GALNT7: variants seen among roughly 807,000 people sequenced by gnomAD.
GALNT7 encodes polypeptide N-acetylgalactosaminyltransferase 7.
A neutral mutation model predicts 82.1 loss-of-function variants in GALNT7; 60 were observed. The ratio of observed to expected loss-of-function variants is 0.73; its 90% CI spans 0.59 to 0.91. The LOEUF (loss-of-function observed/expected upper bound fraction) is 0.91, where lower values mean the gene tolerates loss of function less well. GALNT7 is among the 40% of genes least tolerant of loss of function. The pLI, the probability that GALNT7 is intolerant of heterozygous loss-of-function variation, is 0.00. For missense variants in GALNT7, 660 were observed against 804.2 expected (o/e 0.82, Z 2.17); for synonymous variants, 243 against 275.1 (o/e 0.88, Z 1.15).
At chr4:173,176,014 A>G (rs1421475799) in intron 1 of GALNT7, among the ~76,000 whole-genome samples, 1 of 152,138 alleles carries the variant, frequency 6.6e-6, no homozygotes, top group Non-Finnish European at 1.5e-5. Flanking sequence ...CGGAGGTTGC[A>G]GTAAGTGGAG....
chr4:173,296,075 T>C (rs1736707646), intron 5 of GALNT7, among the ~76,000 whole-genome samples: 1 of 152,162 alleles, frequency 6.6e-6, no homozygotes, highest in Non-Finnish European at 1.5e-5. Context: ...TCAAGAATCA[T>C]TTTGTGGTTG....
At chr4:173,191,417 G>A (rs1306148878) in intron 1 of GALNT7, among the ~76,000 whole-genome samples, 1 of 152,178 alleles carries the variant, frequency 6.6e-6, no homozygotes, top group East Asian at 1.9e-4. Context: ...AGTGTCCCCT[G>A]TTTGGTAAAT....
At position 173,298,206 on chromosome 4, in the gene GALNT7, C is replaced by T. The variant is rs573874581; in HGVS notation, c.1057C>T (p.Arg353Ter). 17 of 1,613,504 alleles carry T rather than the reference C, an allele frequency of 1.1e-5. No individual in the cohort carries two copies. Among genetic ancestry groups the T allele is most frequent in the South Asian group, 6.6e-5 (6 of 91,016 alleles). The change falls in exon 6 of 12, where the codon CGA (arginine) becomes TGA (stop). Residue 353 changes from arginine to a stop codon, truncating the protein, a stop_gained. Coordinates refer to ENST00000265000, the MANE Select transcript of GALNT7 (RefSeq NM_017423.3). LOFTEE classifies it high-confidence loss of function. ...GGGTGGTGATGAAGATGGGTATGCC[C>T]GAGGAGCATGGGATTGGAGTATGCT... ...QGGGDEDGYA[R>*]GAWDWSMLWK...
chr4:173,307,276 A>AT (rs1400610651), intron 8 of GALNT7, among the ~76,000 whole-genome samples: 1 of 152,242 alleles, frequency 6.6e-6, no homozygotes, highest in Non-Finnish European at 1.5e-5. Flanking sequence ...AAGCACAAGC[A>AT]TGAGTGGAGA....
At chr4:173,176,235 A>G (rs148272383) in intron 1 of GALNT7, among the ~76,000 whole-genome samples, 1 of 152,324 alleles carries the variant, frequency 6.6e-6, no homozygotes, top group African/African-American at 2.4e-5. Flanking sequence ...ACAGAAGTGC[A>G]AAATTCCTGA....
Position 173,182,661 on chromosome 4 carries a change from T to TACACAC in GALNT7, c.126+13730_126+13735dup, listed in dbSNP as rs60501649. On this transcript the variant is annotated intron_variant, in intron 1 of 11. Transcript: ENST00000265000. ...GATGAGGCAAGCAGGTTACTCATAA[T>TACACAC]ACACACACACACACACACACACACA... Among the ~76,000 whole-genome samples the TACACAC allele has an allele frequency of 6.6e-3, 880 of 133,522 alleles. 16 individuals carry two copies. The highest frequency in any genetic ancestry group is 0.016 in the African/African-American group (549 of 33,290). The allele number at this position is 133,522 out of a possible 152,430, so 87.6% of individuals were successfully genotyped here.
chr4:173,212,367 A>G (rs1733307379), intron 1 of GALNT7, among the ~76,000 whole-genome samples: 1 of 152,252 alleles, frequency 6.6e-6, no homozygotes, highest in East Asian at 1.9e-4. Flanking sequence ...AATGATATCC[A>G]TAATAGCCTA....
At chr4:173,171,542 A>G (rs115036504) in intron 1 of GALNT7, among the ~76,000 whole-genome samples, 2,122 of 152,360 alleles carry the variant, frequency 0.014, 33 homozygotes, top group African/African-American at 0.026. Context: ...AGCCTTGACA[A>G]CTTGGGATGG....
intron 1 of GALNT7, among the ~76,000 whole-genome samples, chr4:173,221,346 A>C (rs115344727): frequency 1.2e-4 from 18 of 152,222 alleles, no homozygotes; most frequent in Non-Finnish European, 2.2e-4. Flanking sequence ...CAGCAGAAGA[A>C]AGACAGGAAG....
intron 1 of GALNT7, among the ~76,000 whole-genome samples, chr4:173,200,645 ATG>A (rs1732916026): frequency 6.6e-6 from 1 of 152,152 alleles, no homozygotes; most frequent in Non-Finnish European, 1.5e-5. Context: ...TTTAAAATTT[ATG>A]TGTTTCCAGT....
At chr4:173,284,546 G>A (rs1561189064) in intron 2 of GALNT7, among the ~76,000 whole-genome samples, 1 of 152,008 alleles carries the variant, frequency 6.6e-6, no homozygotes, top group Non-Finnish European at 1.5e-5. Context: ...TCTTCAGCAT[G>A]CTCCAGGGAC....
chr4:173,302,117 C>A lies in GALNT7; in HGVS notation c.1219C>A (p.Pro407Thr). ...EFFFELGLYDPGLQIWGGENF... is the reference protein window; with the variant it reads ...EFFFELGLYDTGLQIWGGENF... ...CTTCTTTGAATTGGGTCTCTATGAT[C>A]CAGGTCTCCAGATTTGGGGTGGTGA... The change falls in exon 7 of 12, where the codon CCA (proline) becomes ACA (threonine). Residue 407 changes from proline to threonine, a missense_variant. Physicochemically the swap from Pro to Thr is conservative, Grantham distance 38. This residue lies in a region of GALNT7 where 527 missense variants were observed against 683.5 expected (regional missense o/e 0.77). Transcript: ENST00000265000. This position sits in a 1 kb window ranked among gnomAD's most constrained non-coding sequence, Gnocchi z 4.2. 1 of 1,590,580 alleles carries A rather than the reference C, an allele frequency of 6.3e-7. No homozygotes were observed. Among genetic ancestry groups the A allele is most frequent in the Non-Finnish European group, 8.6e-7 (1 of 1,158,676 alleles).
At position 173,292,071 on chromosome 4, in the gene GALNT7, A is replaced by T; in HGVS notation, c.588-37A>T. Reference sequence around the variant, plus strand: ...AGCTTGGAGCCAAGCAGTATAGATTACCTGTAAATAAATATGATGAAATTT... The same window carrying T: ...AGCTTGGAGCCAAGCAGTATAGATTTCCTGTAAATAAATATGATGAAATTT... On this transcript the variant is annotated intron_variant, in intron 2 of 11. Coordinates refer to ENST00000265000, the MANE Select transcript of GALNT7 (RefSeq NM_017423.3). The surrounding 1 kb of genome is among the most constrained non-coding windows in gnomAD (Gnocchi z 4.8). 1 of 1,423,200 alleles carries T rather than the reference A, an allele frequency of 7.0e-7. No individual in the cohort carries two copies. Among genetic ancestry groups the T allele is most frequent in the Non-Finnish European group, 9.9e-7 (1 of 1,011,312 alleles). The allele number at this position is 1,423,200 out of a possible 1,614,324, so 88.2% of individuals were successfully genotyped here.
At chr4:173,232,749 G>A (rs1160702290) in intron 1 of GALNT7, among the ~76,000 whole-genome samples, 2 of 152,146 alleles carry the variant, frequency 1.3e-5, no homozygotes, top group Non-Finnish European at 2.9e-5. Flanking sequence ...TTTGTGTCGG[G>A]AATGCCTCAG....
At chr4:173,280,555 A>G (rs1736075878) in intron 2 of GALNT7, among the ~76,000 whole-genome samples, 1 of 152,228 alleles carries the variant, frequency 6.6e-6, no homozygotes, top group Non-Finnish European at 1.5e-5. Context: ...AATCATTGCA[A>G]GCCTGTAATC....
Position 173,308,700 on chromosome 4 carries a change from C to T in GALNT7, c.1389+4582C>T, listed in dbSNP as rs1042534527. Among the ~76,000 whole-genome samples, 6 of 152,182 alleles carry T rather than the reference C, an allele frequency of 3.9e-5. No individual in the cohort carries two copies. The South Asian group carries it at 6.2e-4, about 16-fold the overall frequency. ...TGGGAGGATCACGAGGTCAGGAGTT[C>T]GAGACCAGCCTGACCAACATAGTGA... On this transcript the variant is annotated intron_variant, in intron 8 of 11. Transcript: ENST00000265000.
chr4:173,209,410 AG>A (rs1733201924), intron 1 of GALNT7, among the ~76,000 whole-genome samples: 1 of 152,218 alleles, frequency 6.6e-6, no homozygotes, highest in African/African-American at 2.4e-5. Context: ...TGTTCCACCC[AG>A]GTTTTGTATT....
intron 8 of GALNT7, among the ~76,000 whole-genome samples, chr4:173,313,194 T>TAA (rs778362358): frequency 1.6e-4 from 25 of 152,170 alleles, no homozygotes; most frequent in Non-Finnish European, 3.1e-4. Context: ...TGTGTTTTAT[T>TAA]AAACAGAGCT....
chr4:173,243,623 T>C (rs1403589729), intron 1 of GALNT7, among the ~76,000 whole-genome samples: 1 of 152,190 alleles, frequency 6.6e-6, no homozygotes, highest in African/African-American at 2.4e-5. Flanking sequence ...ATAATTAAGA[T>C]TTGATGTGAT....
Sources: gnomAD v4.1 joint callset for allele counts (sites outside exome capture counted in the v4.1 genomes callset) on GRCh38, gnomAD v4.1.1 for gene constraint, gnomAD v4.1.1 regional missense constraint, Gnocchi (gnomAD v3.1) non-coding constraint, MANE v1.5 for transcripts, NCBI Gene and HGNC (gene_info 2026-07-23, HGNC 2026-07-21) for gene names.